LMO7: variants seen among roughly 807,000 people sequenced by gnomAD.
The protein encoded by LMO7 is LIM domain 7, also known as LIM domain only protein 7.
Under a neutral mutation model 206.5 loss-of-function variants are expected in LMO7, and 120 were observed. The observed-to-expected ratio is 0.58, with a 90% CI of 0.50 to 0.68. LMO7 has a LOEUF of 0.68. Among genes scored for constraint, LMO7 ranks in the 30% least tolerant of loss-of-function variants. The probability of loss-of-function intolerance (pLI) is 0.00; values close to 1 mark genes in which losing one functional copy is unlikely to be tolerated. For missense variants in LMO7, 1,959 were observed against 1,957.9 expected, an observed-to-expected ratio of 1.00 and a Z score of -0.01; for synonymous variants, 706 against 681.5, an observed-to-expected ratio of 1.04 and a Z score of -0.56.
chr13:75,841,666 C>T lies in LMO7; in HGVS notation c.3714C>T (p.Thr1238=). Residue 1238 remains threonine, a synonymous_variant, in exon 24 of 31, where the codon ACC becomes ACT. Transcript: ENST00000377534. The stretch of plus-strand genomic sequence containing the variant: ...TAAGCTCAAACAGCATGTCTCTGAC[C>T]ACACGGGAGCCCTCTCTTGCCACCT... ...MVLSSNSMSL[T]TREPSLATWE... 1 of 1,613,988 alleles carries T rather than the reference C, an allele frequency of 6.2e-7. No homozygotes were observed.
chr13:75,648,271 C>T (rs771189626), intron 1 of LMO7, among the ~76,000 whole-genome samples: 4 of 152,100 alleles, frequency 2.6e-5, no homozygotes, highest in Non-Finnish European at 4.4e-5. Context: ...ATGATTGTTT[C>T]TAGCTGTTAC....
rs774488498 is a variant in LMO7, at chr13:75,834,405, C to A, written c.3226+18C>A. 1 of 1,542,718 alleles carries A rather than the reference C, an allele frequency of 6.5e-7. No homozygotes were observed. The highest frequency in any genetic ancestry group is 1.3e-5 in the South Asian group (1 of 79,908). ...AAAGGCTGGTGAGTTTGTGTTACCA[C>A]CATGTCTGGCATTTGAAACTGGGAC... On this transcript the variant is annotated intron_variant, in intron 17 of 30. Transcript: ENST00000377534.
intron 1 of LMO7, among the ~76,000 whole-genome samples, chr13:75,666,767 G>A (rs1239852693): frequency 2.0e-5 from 3 of 152,212 alleles, no homozygotes; most frequent in Non-Finnish European, 2.9e-5. Flanking sequence ...GCAGTAGGAA[G>A]TCATTGAGTG....
chr13:75,809,852 G>A (rs1248343458), intron 11 of LMO7, among the ~76,000 whole-genome samples: 3 of 112,810 alleles, frequency 2.7e-5, no homozygotes, highest in African/African-American at 3.7e-5. Context: ...TTTTTTTTGA[G>A]ATGGAGTCTC....
At chr13:75,735,366 C>T (rs1161812100) in intron 3 of LMO7, among the ~76,000 whole-genome samples, 1 of 149,780 alleles carries the variant, frequency 6.7e-6, no homozygotes, top group Non-Finnish European at 1.5e-5. Context: ...TATTTGTATA[C>T]ACACACACAC....
intron 17 of LMO7, among the ~76,000 whole-genome samples, chr13:75,834,810 A>G (rs2058986311): frequency 6.6e-6 from 1 of 152,200 alleles, no homozygotes; most frequent in Admixed American, 6.5e-5. Flanking sequence ...TTCAATGTGC[A>G]TTCCATTAAT....
At chr13:75,779,146 T>C (rs2050936471) in intron 4 of LMO7, among the ~76,000 whole-genome samples, 1 of 152,084 alleles carries the variant, frequency 6.6e-6, no homozygotes. Flanking sequence ...CTCAAGCCTG[T>C]ACAACCAGGA....
At chr13:75,648,227 C>T (rs573255705) in intron 1 of LMO7, among the ~76,000 whole-genome samples, 4 of 152,070 alleles carry the variant, frequency 2.6e-5, no homozygotes, top group Non-Finnish European at 5.9e-5. Flanking sequence ...GGATTGCAGG[C>T]GTGGGCCACT....
chr13:75,835,835 A>T (rs1458776616), intron 18 of LMO7, among the ~76,000 whole-genome samples: 3 of 152,150 alleles, frequency 2.0e-5, no homozygotes, highest in African/African-American at 7.2e-5. Flanking sequence ...TTTGATCAAA[A>T]ATATAATGTA....
chr13:75,836,550 A>G, intron 19 of LMO7, 93 bp downstream of exon 19: 1 of 686,678 alleles, frequency 1.5e-6, no homozygotes. Context: ...TGTGAGTGAA[A>G]GAAAAAGTGA....
At chr13:75,813,491 C>T (rs1443910946) in intron 11 of LMO7, among the ~76,000 whole-genome samples, 1 of 152,150 alleles carries the variant, frequency 6.6e-6, no homozygotes, top group Non-Finnish European at 1.5e-5. Flanking sequence ...GGGCCTGCAG[C>T]CCTCCCTTCC....
chr13:75,799,069 T>A (rs1356254494), intron 6 of LMO7, among the ~76,000 whole-genome samples: 1 of 152,204 alleles, frequency 6.6e-6, no homozygotes, highest in South Asian at 2.1e-4. Context: ...GGATGTAAGG[T>A]AGGCACTTGC....
intron 1 of LMO7, among the ~76,000 whole-genome samples, chr13:75,698,672 G>A (rs1183352071): frequency 6.7e-6 from 1 of 148,492 alleles, no homozygotes. Context: ...CTTAACTTCT[G>A]TTGAACTTCT....
chr13:75,628,313 T>G (rs2034474956), intron 2 of LMO7: 1 of 152,254 alleles, frequency 6.6e-6, no homozygotes, highest in Non-Finnish European at 1.5e-5. Flanking sequence ...TTTTTCTCCT[T>G]TTGCTTTCTG....
intron 1 of LMO7, among the ~76,000 whole-genome samples, chr13:75,659,988 A>G (rs1244820340): frequency 2.6e-5 from 4 of 152,188 alleles, no homozygotes; most frequent in Non-Finnish European, 5.9e-5. Flanking sequence ...AGGGGAGTAC[A>G]GATCAAAACT....
intron 2 of LMO7, among the ~76,000 whole-genome samples, chr13:75,724,256 T>C (rs901769015): frequency 3.9e-5 from 6 of 152,132 alleles, no homozygotes; most frequent in African/African-American, 7.2e-5. Flanking sequence ...CCTTCTGGTT[T>C]TAATCCTACC....
At chr13:75,672,085 T>C (rs1467314846) in intron 1 of LMO7, among the ~76,000 whole-genome samples, 1 of 152,032 alleles carries the variant, frequency 6.6e-6, no homozygotes, top group Non-Finnish European at 1.5e-5. Context: ...GATACCAACA[T>C]CCCTGGATGT....
At chr13:75,705,039 G>A (rs2042553645) in intron 1 of LMO7, among the ~76,000 whole-genome samples, 3 of 152,210 alleles carry the variant, frequency 2.0e-5, no homozygotes, top group African/African-American at 4.8e-5. Flanking sequence ...GAGGCCACAG[G>A]TGGTAAGACA....
intron 4 of LMO7, among the ~76,000 whole-genome samples, chr13:75,779,234 G>T (rs1005194749): frequency 1.3e-5 from 2 of 152,056 alleles, no homozygotes; most frequent in African/African-American, 4.8e-5. Flanking sequence ...TTTAAATTCT[G>T]GGCAGAGATA....
Sources: allele counts gnomAD v4.1 joint callset (sites outside exome capture counted in the v4.1 genomes callset), GRCh38; gene constraint gnomAD v4.1.1; transcripts MANE v1.5; gene names NCBI Gene and HGNC (gene_info 2026-07-23, HGNC 2026-07-21).